Variants in DUSP16 observed in about 807,000 individuals in gnomAD.
DUSP16 encodes the protein dual specificity protein phosphatase 16.
DUSP16 carries 21 observed loss-of-function variants against 58.3 expected under a neutral mutation model. The observed-to-expected ratio is 0.36, with a 90% CI of 0.26 to 0.52. The LOEUF (loss-of-function observed/expected upper bound fraction) is 0.52, where lower values mean the gene tolerates loss of function less well. DUSP16 is among the 20% of genes least tolerant of loss of function. The probability of loss-of-function intolerance (pLI) is 0.94; values close to 1 mark genes in which losing one functional copy is unlikely to be tolerated. For synonymous variants in DUSP16, 320 were observed against 323.8 expected, an observed-to-expected ratio of 0.99 and a Z score of 0.12; for missense variants, 726 against 819.0, an observed-to-expected ratio of 0.89 and a Z score of 1.39.
Position 12,477,493 on chromosome 12 carries a change from G to T in DUSP16, c.1338C>A (p.Ser446=). 1 of 1,597,314 alleles carries T rather than the reference G, an allele frequency of 6.3e-7. No individual in the cohort carries two copies. Among genetic ancestry groups the T allele is most frequent in the Non-Finnish European group, 8.5e-7 (1 of 1,170,366 alleles). Residue 446 remains serine (S), a synonymous_variant, in exon 7 of 7, where the codon TCC becomes TCA. Coordinates refer to ENST00000298573, the MANE Select transcript of DUSP16 (RefSeq NM_030640.3). The surrounding 1 kb of genome is among the most constrained non-coding windows in gnomAD (Gnocchi z 4.1). ...LDGTNKLCQF[S]PVQELSEQTP... ...TCTGCTCCGATAGTTCCTGAACAGG[G>T]GAGAACTGGCATAGCTTGTTGGTCC...
chr12:12,556,764 G>A (rs1459666938), intron 1 of DUSP16, among the ~76,000 whole-genome samples: 1 of 152,200 alleles, frequency 6.6e-6, no homozygotes, highest in South Asian at 2.1e-4. Flanking sequence ...AATAACTACA[G>A]GAAAGATCAA....
intron 1 of DUSP16, among the ~76,000 whole-genome samples, chr12:12,527,543 A>G (rs1281509980): frequency 2.0e-5 from 3 of 152,216 alleles, no homozygotes; most frequent in African/African-American, 7.2e-5. Context: ...TGGCATGTGT[A>G]TACCTATGAA....
chr12:12,498,971 A>G (rs1943872197), intron 4 of DUSP16, among the ~76,000 whole-genome samples: 1 of 152,198 alleles, frequency 6.6e-6, no homozygotes, highest in South Asian at 2.1e-4. Flanking sequence ...CCAGAGTTAA[A>G]AAAAGAAAAC....
chr12:12,482,588 G>A (rs1341481304), intron 5 of DUSP16, among the ~76,000 whole-genome samples: 1 of 152,236 alleles, frequency 6.6e-6, no homozygotes, highest in Non-Finnish European at 1.5e-5. Flanking sequence ...AGAAAGCCCT[G>A]CAGTGGGACT....
chr12:12,557,903 C>G (rs1566065545), intron 1 of DUSP16, among the ~76,000 whole-genome samples: 1 of 152,188 alleles, frequency 6.6e-6, no homozygotes, highest in Non-Finnish European at 1.5e-5. Context: ...TGAATACCTT[C>G]CGCCTTTCGC....
At chr12:12,501,993 A>G (rs1394349926) in intron 3 of DUSP16, among the ~76,000 whole-genome samples, 2 of 151,474 alleles carry the variant, frequency 1.3e-5, no homozygotes, top group Non-Finnish European at 3.0e-5. Flanking sequence ...CCGTCTCAAA[A>G]ACAAAAATAA....
chr12:12,561,339 A>G (rs1944899913), intron 1 of DUSP16, among the ~76,000 whole-genome samples: 2 of 152,204 alleles, frequency 1.3e-5, no homozygotes. Flanking sequence ...AGGATTTTGC[A>G]GTATCCATTC....
intron 1 of DUSP16, among the ~76,000 whole-genome samples, chr12:12,558,157 A>G (rs1349192713): frequency 1.3e-5 from 2 of 152,254 alleles, no homozygotes; most frequent in Non-Finnish European, 2.9e-5. Context: ...CAGCACATGT[A>G]AACAGCATAC....
intron 4 of DUSP16, among the ~76,000 whole-genome samples, chr12:12,490,474 G>A (rs949721983): frequency 3.9e-5 from 6 of 152,056 alleles, no homozygotes; most frequent in African/African-American, 1.4e-4. Context: ...TCATAAATAA[G>A]TGCCTTCTTA....
intron 3 of DUSP16, among the ~76,000 whole-genome samples, chr12:12,513,767 T>A (rs1159347156): frequency 6.6e-6 from 1 of 152,224 alleles, no homozygotes; most frequent in Non-Finnish European, 1.5e-5. Context: ...GGTTGATCTT[T>A]ATTTCTACTA....
chr12:12,495,906 A>G (rs1237944745), intron 4 of DUSP16, among the ~76,000 whole-genome samples: 1 of 152,240 alleles, frequency 6.6e-6, no homozygotes, highest in Non-Finnish European at 1.5e-5. Flanking sequence ...TAAGATGACA[A>G]TGACAAGTGT....
intron 1 of DUSP16, among the ~76,000 whole-genome samples, chr12:12,535,185 C>A (rs1416668731): frequency 1.3e-5 from 2 of 152,226 alleles, no homozygotes; most frequent in Non-Finnish European, 2.9e-5. Flanking sequence ...GCCCATCCTC[C>A]TCCACCAGCC....
chr12:12,550,782 C>T lies in DUSP16; in HGVS notation c.-366+11335G>A, dbSNP rs144098226. ...AGGAGGGATAGCATTAGGAGAAATACCTAATGTAGATGACGGGCTGATGGG... is the reference window on the plus strand; with the variant it reads ...AGGAGGGATAGCATTAGGAGAAATATCTAATGTAGATGACGGGCTGATGGG... On this transcript the variant is annotated intron_variant, in intron 1 of 6. Transcript: ENST00000298573. 9.1e-3 allele frequency among the ~76,000 whole-genome samples: 1,388 copies of T among 151,974 alleles called. 27 individuals are homozygous for T. Among genetic ancestry groups the T allele is most frequent in the African/African-American group, 0.032 (1,306 of 41,408 alleles).
intron 1 of DUSP16, among the ~76,000 whole-genome samples, chr12:12,551,545 T>C (rs1269402210): frequency 1.4e-5 from 2 of 147,828 alleles, no homozygotes; most frequent in Non-Finnish European, 3.0e-5. Flanking sequence ...TTTGGAAAAC[T>C]TGAATTCGCC....
At chr12:12,498,418 A>G (rs1231155736) in intron 4 of DUSP16, among the ~76,000 whole-genome samples, 1 of 150,612 alleles carries the variant, frequency 6.6e-6, no homozygotes, top group Admixed American at 6.6e-5. Flanking sequence ...TTATTTATTT[A>G]TTTATTTATT....
chr12:12,529,768 G>A (rs977770446), intron 1 of DUSP16, among the ~76,000 whole-genome samples: 10 of 152,078 alleles, frequency 6.6e-5, no homozygotes, highest in Admixed American at 6.5e-4. Context: ...TCCCATATAT[G>A]AGTGAAATTA....
At chr12:12,562,046 G>A (rs879368145) in intron 1 of DUSP16, 71 bp downstream of exon 1, 1 of 149,816 alleles carries the variant, frequency 6.7e-6, no homozygotes, top group Non-Finnish European at 1.5e-5. Flanking sequence ...CCATGCGGCC[G>A]GGCGGGAGGG....
At chr12:12,484,778 T>C (rs2136194545) in intron 5 of DUSP16, among the ~76,000 whole-genome samples, 1 of 151,290 alleles carries the variant, frequency 6.6e-6, no homozygotes, top group South Asian at 2.1e-4. Context: ...CCCGCCACCA[T>C]GCCCGACTAA....
intron 4 of DUSP16, among the ~76,000 whole-genome samples, chr12:12,499,121 A>G (rs1419452918): frequency 6.6e-6 from 1 of 152,238 alleles, no homozygotes; most frequent in African/African-American, 2.4e-5. Flanking sequence ...AACAAAAACT[A>G]TCTGTAACAC....
Sources: gnomAD v4.1 joint callset for allele counts (sites outside exome capture counted in the v4.1 genomes callset) on GRCh38, gnomAD v4.1.1 for gene constraint, Gnocchi (gnomAD v3.1) non-coding constraint, MANE v1.5 for transcripts, NCBI Gene and HGNC (gene_info 2026-07-23, HGNC 2026-07-21) for gene names.